Variants in NDRG2 observed in about 807,000 individuals in gnomAD.
The protein encoded by NDRG2 is protein NDRG2.
A neutral mutation model predicts 58.2 loss-of-function variants in NDRG2; 34 were observed. That is an observed-to-expected ratio of 0.58 (90% CI 0.44 to 0.78). NDRG2 has a LOEUF of 0.78. NDRG2 is among the 30% of genes least tolerant of loss of function. NDRG2 has a pLI of 0.00. For missense variants in NDRG2, 434 were observed against 471.2 expected, an observed-to-expected ratio of 0.92 and a Z score of 0.73; for synonymous variants, 187 against 175.9, an observed-to-expected ratio of 1.06 and a Z score of -0.50.
intron 8 of NDRG2, 150 bp downstream of exon 8, chr14:21,020,346 A>C (rs965005618): frequency 2.5e-5 from 16 of 637,624 alleles, no homozygotes; most frequent in Non-Finnish European, 4.2e-5. Flanking sequence ...ATTATAAGAG[A>C]CTCAGGCAAA....
intron 7 of NDRG2, 58 bp from the exon 8 acceptor site, chr14:21,020,640 G>A (rs540017541): frequency 3.8e-5 from 60 of 1,591,140 alleles, no homozygotes; most frequent in South Asian, 3.4e-4. Context: ...TCCCCTCCCC[G>A]CTAAGCTCGA....
intron 1 of NDRG2, among the ~76,000 whole-genome samples, chr14:21,068,835 T>C (rs1043575582): frequency 2.6e-5 from 4 of 152,210 alleles, no homozygotes; most frequent in African/African-American, 9.6e-5. Context: ...GGATGAACAC[T>C]TGCTCTGTCC....
At chr14:21,054,116 C>A (rs574312735) in intron 1 of NDRG2, among the ~76,000 whole-genome samples, 3 of 152,166 alleles carry the variant, frequency 2.0e-5, no homozygotes, top group Non-Finnish European at 2.9e-5. Context: ...AACAAAGCTG[C>A]AGCACGGCCT....
intron 1 of NDRG2, among the ~76,000 whole-genome samples, chr14:21,036,662 C>T (rs559022036): frequency 2.6e-5 from 4 of 152,280 alleles, no homozygotes; most frequent in African/African-American, 7.2e-5. Flanking sequence ...CACCTTGTCC[C>T]CCACCTCCTC....
At chr14:21,049,805 C>T (rs1291503973) in intron 1 of NDRG2, among the ~76,000 whole-genome samples, 2 of 150,564 alleles carry the variant, frequency 1.3e-5, no homozygotes, top group African/African-American at 2.5e-5. Flanking sequence ...TGCTCTGTCA[C>T]CCAGGCTAGA....
intron 14 of NDRG2, 38 bp downstream of exon 14, chr14:21,018,166 T>C (rs1175494011): frequency 2.5e-6 from 4 of 1,612,320 alleles, no homozygotes; most frequent in Non-Finnish European, 3.4e-6. Context: ...CGGTATCCTA[T>C]GTCCCTTCCC....
intron 1 of NDRG2, chr14:21,058,106 C>A: frequency 6.2e-7 from 1 of 1,614,212 alleles, no homozygotes; most frequent in Non-Finnish European, 8.5e-7. Flanking sequence ...CACCTTCCTG[C>A]ACGAGCCCTT....
At chr14:21,037,173 A>G (rs759148482) in intron 1 of NDRG2, among the ~76,000 whole-genome samples, 3 of 152,370 alleles carry the variant, frequency 2.0e-5, no homozygotes, top group Admixed American at 6.5e-5. Flanking sequence ...ACTGAACAGC[A>G]CATTATAGAG....
In NDRG2 at chr14:21,017,624, G is replaced by C. The variant is rs374457004; in HGVS notation, c.1088C>G (p.Pro363Arg). Residue 363 changes from proline to arginine, a missense_variant, in exon 16 of 16, where the codon CCG becomes CGG. Coordinates refer to ENST00000556147, the MANE Select transcript of NDRG2 (RefSeq NM_001320329.2). ...ACAGGAGACCTCCATGGTGTGCCCC[G>C]GGGGCCCCGAAGAAAGAGTTCCAGA... Reference protein sequence around the residue: ...SESGTLSSGPPGHTMEVSC With the variant: ...SESGTLSSGPRGHTMEVSC 2 of 1,613,474 alleles carry C rather than the reference G, an allele frequency of 1.2e-6. No individual in the cohort carries two copies. The highest frequency in any genetic ancestry group is 1.7e-5 in the Admixed American group (1 of 59,930).
upstream of NDRG2, chr14:21,030,625 T>G (rs773678691): frequency 6.2e-7 from 1 of 1,614,012 alleles, no homozygotes; most frequent in Non-Finnish European, 8.5e-7. Context: ...TTTGCTGCGT[T>G]TGGAGAATCA....
intron 1 of NDRG2, among the ~76,000 whole-genome samples, chr14:21,065,615 GT>G (rs1414905923): frequency 6.6e-6 from 1 of 152,172 alleles, no homozygotes; most frequent in Non-Finnish European, 1.5e-5. Context: ...AAGACAATGG[GT>G]GAGAGACCAC....
intron 1 of NDRG2, among the ~76,000 whole-genome samples, chr14:21,049,528 G>A (rs562491570): frequency 2.0e-5 from 3 of 151,796 alleles, no homozygotes; most frequent in Admixed American, 6.6e-5. Flanking sequence ...ATGGCTTTAG[G>A]GCTCTCCCAG....
intron 1 of NDRG2, among the ~76,000 whole-genome samples, chr14:21,049,766 C>CTT (rs113735552): frequency 1.9e-4 from 27 of 139,050 alleles, no homozygotes; most frequent in African/African-American, 6.6e-4. Context: ...CATCTTTCTT[C>CTT]TTTTTTTTTT....
intron 7 of NDRG2, 58 bp from the exon 8 acceptor site, chr14:21,020,640 G>T: frequency 6.3e-7 from 1 of 1,591,140 alleles, no homozygotes; most frequent in South Asian, 1.1e-5. Flanking sequence ...TCCCCTCCCC[G>T]CTAAGCTCGA....
rs1879165020 is a variant in NDRG2 at position 21,019,940 on chromosome 14, G to A, written c.592C>T (p.Leu198Phe). The A allele has an allele frequency of 1.2e-6, 2 of 1,614,060 alleles. No homozygotes were observed. Among genetic ancestry groups the A allele is most frequent in the East Asian group, 4.5e-5 (2 of 44,884 alleles). The change falls in exon 9 of 16, where the codon CTT (leucine) becomes TTT (phenylalanine). Residue 198 changes from leucine to phenylalanine, a missense_variant. Physicochemically the swap from Leu to Phe is conservative, Grantham distance 22 (BLOSUM62 0). Transcript: ENST00000556147. Reference protein sequence around the residue: ...GLTSSIPEMILGHLFSQEELS... With the variant: ...GLTSSIPEMIFGHLFSQEELS... ...CTTACCTGGCTGAAAAGATGTCCAA[G>A]GATCATCTCCGGAATGGAAGAGGTG...
At chr14:21,062,049 A>G (rs916202296) in intron 1 of NDRG2, among the ~76,000 whole-genome samples, 9 of 152,238 alleles carry the variant, frequency 5.9e-5, no homozygotes, top group African/African-American at 2.4e-5. Context: ...GGTGAATACA[A>G]TTCTTTAAAG....
At chr14:21,057,222 G>A (rs1885713782) in intron 1 of NDRG2, among the ~76,000 whole-genome samples, 1 of 152,034 alleles carries the variant, frequency 6.6e-6, no homozygotes. Context: ...ATCACCTGAG[G>A]TCAGGAGTTC....
intron 1 of NDRG2, chr14:21,048,438 A>C (rs983120971): frequency 2.0e-5 from 3 of 152,172 alleles, no homozygotes; most frequent in African/African-American, 4.8e-5. Flanking sequence ...CTCTTAGCTT[A>C]GGGAGGTGGG....
chr14:21,034,259 GA>G lies in NDRG2; in HGVS notation c.25-10939del, dbSNP rs756765487. 4 of 1,613,492 alleles carry G rather than the reference GA, an allele frequency of 2.5e-6. No homozygotes were observed. In the South Asian group the frequency reaches 3.3e-5, roughly 13 times the overall value. ...GAGTTGGCCCCAGAACAAGCTGGAG[GA>G]AAAGGAGCCGGGTCACAGCTGGTGC... On this transcript the variant is annotated intron_variant, in intron 1 of 14. Coordinates refer to the NDRG2 transcript ENST00000403829.
Sources: allele counts gnomAD v4.1 joint callset (sites outside exome capture counted in the v4.1 genomes callset), GRCh38; gene constraint gnomAD v4.1.1; transcripts MANE v1.5; gene names NCBI Gene and HGNC (gene_info 2026-07-23, HGNC 2026-07-21).